Variants in ASAP1 observed in about 807,000 individuals in gnomAD.
ASAP1 encodes the protein arf-GAP with SH3 domain, ANK repeat and PH domain-containing protein 1.
ASAP1 carries 43 observed loss-of-function variants against 145.2 expected under a neutral mutation model. The ratio of observed to expected loss-of-function variants is 0.30; its 90% CI spans 0.23 to 0.38. The LOEUF is 0.38. ASAP1 is among the 10% of genes least tolerant of loss of function. The pLI is 1.00. For missense variants in ASAP1, 1,018 were observed against 1,355.3 expected (o/e 0.75, Z 3.91); for synonymous variants, 546 against 515.5 (o/e 1.06, Z -0.80).
chr8:130,125,101 C>G (rs2097572875), intron 17 of ASAP1, among the ~76,000 whole-genome samples: 1 of 152,164 alleles, frequency 6.6e-6, no homozygotes. Context: ...GCTAGACTTT[C>G]AGCTTTTTTT....
rs370157059 is a variant in ASAP1 at position 130,214,748 on chromosome 8, A to G, written c.260-47T>C. On this transcript the variant is annotated intron_variant, in intron 4 of 29. Transcript: ENST00000518721. ...AAAGGAGTCTGAACTATTATTTGCCACAATGAAAAGTTACTTTGAACACCG... is the reference window on the plus strand; with the variant it reads ...AAAGGAGTCTGAACTATTATTTGCCGCAATGAAAAGTTACTTTGAACACCG... The G allele has an allele frequency of 2.7e-5, 40 of 1,487,052 alleles. No homozygotes were observed. In the African/African-American group the frequency reaches 4.4e-4, roughly 16 times the overall value. 92.1% of individuals were successfully genotyped at this position (1,487,052 alleles called of 1,614,324 possible). A position where few individuals can be genotyped will look rare whatever the true frequency, so the allele number is the denominator to read the frequency against.
At chr8:130,086,830 A>G (rs952651268) in intron 25 of ASAP1, among the ~76,000 whole-genome samples, 3 of 152,142 alleles carry the variant, frequency 2.0e-5, no homozygotes, top group Non-Finnish European at 4.4e-5. Context: ...GAGTTTATGA[A>G]GGCATGAAAT....
intron 24 of ASAP1, among the ~76,000 whole-genome samples, chr8:130,093,958 C>T (rs1592784312): frequency 2.0e-5 from 3 of 152,162 alleles, no homozygotes; most frequent in Admixed American, 2.0e-4. Flanking sequence ...TTATCATCTG[C>T]TTTAGGTTTA....
chr8:130,257,788 C>G (rs1197500221), intron 3 of ASAP1, among the ~76,000 whole-genome samples: 1 of 72,980 alleles, frequency 1.4e-5, no homozygotes, highest in Non-Finnish European at 3.2e-5. Context: ...TCAAGAGCAC[C>G]CCCCCCCCAT....
chr8:130,254,077 A>G (rs1466704159), intron 3 of ASAP1, among the ~76,000 whole-genome samples: 8 of 152,202 alleles, frequency 5.3e-5, no homozygotes, highest in Admixed American at 5.2e-4. Context: ...GAATAATTCA[A>G]CATGTATTTA....
intron 18 of ASAP1, among the ~76,000 whole-genome samples, chr8:130,123,587 AAAAC>A (rs74656989): frequency 9.2e-5 from 14 of 151,934 alleles, no homozygotes; most frequent in South Asian, 6.2e-4. Context: ...TTTGCTCTGG[AAAAC>A]AAACAAACAA....
chr8:130,080,037 G>A (rs2097475455), intron 25 of ASAP1, 66 bp from the exon 26 acceptor site: 18 of 1,435,434 alleles, frequency 1.3e-5, no homozygotes, highest in Non-Finnish European at 1.7e-5. Context: ...GAATACATGG[G>A]TTTGGCCTGT....
intron 3 of ASAP1, among the ~76,000 whole-genome samples, chr8:130,305,743 T>TC: frequency 6.6e-6 from 1 of 152,114 alleles, no homozygotes. Flanking sequence ...AAAGACCAGA[T>TC]CAGTTACACT....
chr8:130,070,275 G>C (rs2097440116), intron 27 of ASAP1, among the ~76,000 whole-genome samples: 2 of 152,108 alleles, frequency 1.3e-5, no homozygotes, highest in African/African-American at 4.8e-5. Flanking sequence ...CTGACCTCCT[G>C]ATCTGCCCAC....
intron 27 of ASAP1, among the ~76,000 whole-genome samples, chr8:130,072,825 G>GTGTGTGTGTGTGCGCGCGCGCGCGCA: frequency 9.2e-5 from 5 of 54,106 alleles, no homozygotes; most frequent in Non-Finnish European, 1.5e-4. Context: ...GTGTGTGTGT[G>GTGTGTGTGTGTGCGCGCGCGCGCGCA]CGCGCGGGGG....
At chr8:130,434,467 G>A (rs1290589124) in intron 1 of ASAP1, among the ~76,000 whole-genome samples, 2 of 152,234 alleles carry the variant, frequency 1.3e-5, no homozygotes, top group Non-Finnish European at 2.9e-5. Context: ...GGGTTATTAT[G>A]AGGATTAAAT....
chr8:130,185,729 C>CAAAAAAAAA (rs778486303), intron 7 of ASAP1, among the ~76,000 whole-genome samples: 1 of 57,100 alleles, frequency 1.8e-5, no homozygotes, highest in Non-Finnish European at 3.7e-5. Context: ...AACTCCGCCT[C>CAAAAAAAAA]AAAAAAAAAA....
At chr8:130,320,651 A>G (rs1823945689) in intron 3 of ASAP1, among the ~76,000 whole-genome samples, 1 of 152,168 alleles carries the variant, frequency 6.6e-6, no homozygotes, top group Admixed American at 6.5e-5. Flanking sequence ...GTTAAAAATG[A>G]AAATTATAAC....
chr8:130,235,757 C>T (rs937857101), intron 4 of ASAP1, among the ~76,000 whole-genome samples: 1 of 152,058 alleles, frequency 6.6e-6, no homozygotes, highest in Non-Finnish European at 1.5e-5. Flanking sequence ...GTTTAAAAAA[C>T]AAGAGAATAT....
intron 5 of ASAP1, among the ~76,000 whole-genome samples, chr8:130,212,279 T>C (rs1458134503): frequency 6.6e-6 from 1 of 152,278 alleles, no homozygotes; most frequent in Non-Finnish European, 1.5e-5. Flanking sequence ...AAGGCAAAAT[T>C]TGTTTTCCTT....
intron 4 of ASAP1, among the ~76,000 whole-genome samples, chr8:130,217,075 C>T (rs765819773): frequency 2.2e-4 from 34 of 152,340 alleles, no homozygotes; most frequent in Middle Eastern, 3.4e-3. Flanking sequence ...TCCCCATACT[C>T]TCAAAGTAAG....
At chr8:130,440,368 G>A (rs1223396445) in intron 1 of ASAP1, among the ~76,000 whole-genome samples, 2 of 152,062 alleles carry the variant, frequency 1.3e-5, no homozygotes, top group South Asian at 2.1e-4. Context: ...TTAGCCAGGT[G>A]TGGTGGTGCA....
intron 27 of ASAP1, among the ~76,000 whole-genome samples, chr8:130,072,790 GATATGTGT>G (rs1439500293): frequency 1.5e-5 from 1 of 66,052 alleles, no homozygotes; most frequent in South Asian, 5.2e-4. Context: ...ACTTGCAATT[GATATGTGT>G]GTGTGTGTGT....
intron 24 of ASAP1, among the ~76,000 whole-genome samples, chr8:130,103,342 C>CA (rs976662038): frequency 6.6e-6 from 1 of 151,214 alleles, no homozygotes; most frequent in African/African-American, 2.4e-5. Context: ...TTCATCTTTT[C>CA]AAAAAAACAC....
Sources: allele counts gnomAD v4.1 joint callset (sites outside exome capture counted in the v4.1 genomes callset), GRCh38; gene constraint gnomAD v4.1.1; transcripts MANE v1.5; gene names NCBI Gene and HGNC (gene_info 2026-07-23, HGNC 2026-07-21).